Variants in SPEG observed in about 807,000 individuals in gnomAD.
SPEG encodes striated muscle enriched protein kinase.
SPEG carries 114 observed loss-of-function variants against 300.4 expected under a neutral mutation model. That is an observed-to-expected ratio of 0.38 (90% CI 0.33 to 0.44). The LOEUF (loss-of-function observed/expected upper bound fraction) is 0.44, where lower values mean the gene tolerates loss of function less well. SPEG is among the 20% of genes least tolerant of loss of function. SPEG has a pLI of 1.00. For synonymous variants in SPEG, 1,964 were observed against 2,018.9 expected (o/e 0.97, Z 0.73); for missense variants, 4,201 against 4,586.2 (o/e 0.92, Z 2.43).
At position 219,468,702 on chromosome 2, in the gene SPEG, C is replaced by T. The variant is rs201254553; in HGVS notation, c.3267C>T (p.Gly1089=). The T allele has an allele frequency of 4.3e-5, 70 of 1,614,126 alleles. 1 individual carries two copies. The African/African-American group carries it at 8.5e-4, about 20-fold the overall frequency. Residue 1089 remains glycine, a synonymous_variant, in exon 11 of 41, where the codon GGC becomes GGT. Transcript: ENST00000312358. ...CCCGTTTCGACTGCAAGATCAGTGGCACCCCGCCCCCTGTTGTTACCTGGA... is the reference window on the plus strand; with the variant it reads ...CCCGTTTCGACTGCAAGATCAGTGGTACCCCGCCCCCTGTTGTTACCTGGA... ...RAARFDCKIS[G]TPPPVVTWTH... is the part of the protein sequence containing the mutation.
chr2:219,490,841 CCTG>C lies in SPEG; in HGVS notation c.9277_9279del (p.Leu3093del). On this transcript the variant is annotated inframe_deletion, in exon 38 of 41. Transcript: ENST00000312358. ...TCCACCTAGACATCAAGCCAGACAA[CCTG>C]CTGCTGGCCCCTGACAATGCCCTCA... The C allele has an allele frequency of 6.2e-7, 1 of 1,614,084 alleles. No individual in the cohort carries two copies. The highest frequency in any genetic ancestry group is 8.5e-7 in the Non-Finnish European group (1 of 1,180,036).
At chr2:219,466,611 A>G (rs1691385234) in intron 9 of SPEG, 2 of 1,005,286 alleles carry the variant, frequency 2.0e-6, no homozygotes, top group Non-Finnish European at 2.4e-6. Context: ...AACACTTTCT[A>G]TTTCACAAAA....
At chr2:219,482,874 C>T (rs746369959) in intron 29 of SPEG, 22 bp downstream of exon 29, 6 of 1,610,342 alleles carry the variant, frequency 3.7e-6, no homozygotes, top group Non-Finnish European at 5.1e-6. Flanking sequence ...AGGCCAGCCT[C>T]TGTGCTTTCC....
At chr2:219,469,642 G>C (rs1335975526) in intron 13 of SPEG, among the ~76,000 whole-genome samples, 1 of 152,198 alleles carries the variant, frequency 6.6e-6, no homozygotes, top group Non-Finnish European at 1.5e-5. Context: ...CCCGCATCGG[G>C]CCCATGAGCA....
chr2:219,490,006 C>G (rs937211224), intron 36 of SPEG, 67 bp downstream of exon 36: 2 of 1,501,670 alleles, frequency 1.3e-6, no homozygotes, highest in Non-Finnish European at 1.8e-6. Context: ...CACATGGCTT[C>G]GGAGAGAAGA....
intron 38 of SPEG, among the ~76,000 whole-genome samples, chr2:219,491,385 T>C (rs913713487): frequency 6.6e-6 from 1 of 152,118 alleles, no homozygotes; most frequent in Non-Finnish European, 1.5e-5. Context: ...CCAGGCAGGT[T>C]TAGTAAATCG....
chr2:219,448,870 C>G lies in SPEG; in HGVS notation c.1712C>G (p.Pro571Arg), dbSNP rs1169216083. 7.1e-7 allele frequency: 1 copy of G among 1,406,316 alleles called. No homozygotes were observed. The highest frequency in any genetic ancestry group is 3.0e-5 in the East Asian group (1 of 33,598). 87.1% of individuals were successfully genotyped at this position (1,406,316 alleles called of 1,614,324 possible). The change falls in exon 4 of 41, where the codon CCC (proline) becomes CGC (arginine). Residue 571 changes from proline to arginine, a missense_variant. Transcript: ENST00000312358. Reference protein sequence around the residue: ...AEKPGDEPGRPRSRGPAGRTE... With the variant: ...AEKPGDEPGRRRSRGPAGRTE... ...AAGCCGGGGGACGAGCCTGGGAGGC[C>G]CAGGAGCCGCGGGCCGGCGGGCAGG...
chr2:219,450,189 C>T (rs1689638247), intron 4 of SPEG, among the ~76,000 whole-genome samples: 1 of 152,210 alleles, frequency 6.6e-6, no homozygotes, highest in South Asian at 2.1e-4. Flanking sequence ...CCATCATCCT[C>T]CTGGACACCA....
At chr2:219,492,049 C>T in intron 39 of SPEG, 62 bp from the exon 40 acceptor site, 2 of 1,551,880 alleles carry the variant, frequency 1.3e-6, no homozygotes. Flanking sequence ...CACTAATGTC[C>T]TTCTGGGTCT....
intron 6 of SPEG, chr2:219,461,203 C>G (rs1464254318): frequency 1.0e-6 from 1 of 986,852 alleles, no homozygotes; most frequent in East Asian, 1.1e-4. Context: ...CCCTCCTCTT[C>G]CCCCAGGCTG....
chr2:219,477,326 A>T lies in SPEG; in HGVS notation c.4610A>T (p.Glu1537Val). ...ESSHVSFVYE[E>V]NECSLVVLST... ...AGCCATGTGAGCTTCGTGTACGAGG[A>T]GAATGAGTGCTCCCTGGTGGTGCTC... is the stretch of plus-strand genomic sequence containing the variant. Residue 1537 changes from glutamate (E) to valine (V), a missense_variant, in exon 20 of 41, where the codon GAG becomes GTG. Transcript: ENST00000312358. This position sits in a 1 kb window ranked among gnomAD's most constrained non-coding sequence, Gnocchi z 6.4. 6.2e-7 allele frequency: 1 copy of T among 1,613,518 alleles called. No individual in the cohort carries two copies. The highest frequency in any genetic ancestry group is 1.1e-5 in the South Asian group (1 of 91,036).
Position 219,478,121 on chromosome 2 carries a change from C to T in SPEG, c.5027+16C>T, listed in dbSNP as rs781382432. 1 of 1,609,388 alleles carries T rather than the reference C, an allele frequency of 6.2e-7. No homozygotes were observed. Among genetic ancestry groups the T allele is most frequent in the Non-Finnish European group, 8.5e-7 (1 of 1,176,028 alleles). ...TCACCGAGCTGTATCCTGGGACAGGCTGGGGGCTAGGGGGATCCATGCCTA... is the reference window on the plus strand; with the variant it reads ...TCACCGAGCTGTATCCTGGGACAGGTTGGGGGCTAGGGGGATCCATGCCTA... On this transcript the variant is annotated intron_variant, in intron 22 of 40. Transcript: ENST00000312358.
At chr2:219,442,473 CT>C (rs1688996067) in intron 1 of SPEG, among the ~76,000 whole-genome samples, 2 of 146,336 alleles carry the variant, frequency 1.4e-5, no homozygotes, top group Admixed American at 6.7e-5. Context: ...CACTCTGAAG[CT>C]TTCCATCTTC....
At position 219,468,715 on chromosome 2, in the gene SPEG, G is replaced by C; in HGVS notation, c.3280G>C (p.Val1094Leu). The change falls in exon 11 of 41, where the codon GTT (valine) becomes CTT (leucine). Residue 1094 changes from valine (V) to leucine (L), a missense_variant. By Grantham distance (32) the Val-to-Leu change is conservative. Around this residue, in one of 4 missense-constraint regions of SPEG, gnomAD observed 1,047 missense variants for 1,356.8 expected, o/e 0.77. Transcript: ENST00000312358. ...DCKISGTPPPVVTWTHFGCPM... is the reference protein window; with the variant it reads ...DCKISGTPPPLVTWTHFGCPM... ...CAAGATCAGTGGCACCCCGCCCCCT[G>C]TTGTTACCTGGACTCATTTTGGTAC... 3.7e-6 allele frequency: 6 copies of C among 1,614,116 alleles called. No homozygotes were observed. The highest frequency in any genetic ancestry group is 5.1e-6 in the Non-Finnish European group (6 of 1,179,996).
rs990467431 is a variant in SPEG at position 219,491,864 on chromosome 2, C to T, written c.9456C>T (p.Tyr3152=). 1 of 1,604,386 alleles carries T rather than the reference C, an allele frequency of 6.2e-7. No individual in the cohort carries two copies. The highest frequency in any genetic ancestry group is 1.3e-5 in the African/African-American group (1 of 74,762). Residue 3152 remains tyrosine (Y), a synonymous_variant, in exon 39 of 41, where the codon TAC becomes TAT. Transcript: ENST00000312358. ...TCTGGGGAGCGGGTGTGCTCACTTA[C>T]ATTATGTGAGTGTCCCCTACCCCAC... ...TDIWGAGVLT[Y]IMLSGRSPFY... is the part of the protein sequence containing the mutation.
chr2:219,473,634 C>T lies in SPEG; in HGVS notation c.4271+7C>T, dbSNP rs531834824. ...CCCAGGTCGTCTGGAGGAGGTGGGC[C>T]CCTTTCCCACATGTGGCAGCCCAGG... On this transcript the variant is annotated splice_region_variant and intron_variant, in intron 17 of 40. Transcript: ENST00000312358. This position sits in a 1 kb window ranked among gnomAD's most constrained non-coding sequence, Gnocchi z 4.6. 6.2e-7 allele frequency: 1 copy of T among 1,614,146 alleles called. No homozygotes were observed. Among genetic ancestry groups the T allele is most frequent in the South Asian group, 1.1e-5 (1 of 91,082 alleles).
chr2:219,436,181 T>A (rs1954714098), intron 1 of SPEG, among the ~76,000 whole-genome samples: 1 of 152,158 alleles, frequency 6.6e-6, no homozygotes, highest in Non-Finnish European at 1.5e-5. Context: ...CCCCCGCCCA[T>A]AGATTTCCAG....
At chr2:219,463,797 A>C (rs1690984115) in intron 8 of SPEG, among the ~76,000 whole-genome samples, 1 of 152,110 alleles carries the variant, frequency 6.6e-6, no homozygotes, top group Non-Finnish European at 1.5e-5. Flanking sequence ...ATAAATAAAA[A>C]TAAGACATGG....
chr2:219,481,623 C>T lies in SPEG; in HGVS notation c.5523-15C>T, dbSNP rs773683339. The T allele has an allele frequency of 3.7e-6, 6 of 1,613,792 alleles. No individual in the cohort carries two copies. The Admixed American group carries it at 6.7e-5, about 18-fold the overall frequency. Reference sequence around the variant, plus strand: ...CTGAACGATAAATCCCTTCTTAATCCTCATTCATTCACAGGAGACCTACCG... The same window carrying T: ...CTGAACGATAAATCCCTTCTTAATCTTCATTCATTCACAGGAGACCTACCG... On this transcript the variant is annotated splice_polypyrimidine_tract_variant and intron_variant, in intron 27 of 40. Coordinates refer to ENST00000312358, the MANE Select transcript of SPEG (RefSeq NM_005876.5). The surrounding 1 kb of genome is among the most constrained non-coding windows in gnomAD (Gnocchi z 5.4).
Sources: gnomAD v4.1 joint callset for allele counts (sites outside exome capture counted in the v4.1 genomes callset) on GRCh38, gnomAD v4.1.1 for gene constraint, gnomAD v4.1.1 regional missense constraint, Gnocchi (gnomAD v3.1) non-coding constraint, MANE v1.5 for transcripts, NCBI Gene and HGNC (gene_info 2026-07-23, HGNC 2026-07-21) for gene names.